The following LAD1 variants were observed in gnomAD, a reference collection of about 807,000 sequenced individuals.
LAD1 encodes the protein ladinin 1.
A neutral mutation model predicts 54.2 loss-of-function variants in LAD1; 53 were observed. That is an observed-to-expected ratio of 0.98 (90% CI 0.78 to 1.23). The LOEUF (loss-of-function observed/expected upper bound fraction) is 1.23, where lower values mean the gene tolerates loss of function less well. Ranked by LOEUF, LAD1 falls within the 50% of genes most tolerant of loss-of-function variation. LAD1 has a pLI of 0.00. For synonymous variants in LAD1, 231 were observed against 257.7 expected, an observed-to-expected ratio of 0.90 and a Z score of 0.99; for missense variants, 637 against 653.3, an observed-to-expected ratio of 0.98 and a Z score of 0.27.
intron 5 of LAD1, 154 bp downstream of exon 5, chr1:201,384,638 A>C: frequency 1.3e-6 from 1 of 745,364 alleles, no homozygotes; most frequent in Non-Finnish European, 2.4e-6. Context: ...TGTTAATCCC[A>C]TCCCCCTGCC....
At chr1:201,392,165 CT>C (rs1159067245) in intron 1 of LAD1, among the ~76,000 whole-genome samples, 34 of 152,378 alleles carry the variant, frequency 2.2e-4, no homozygotes, top group African/African-American at 7.5e-4. Flanking sequence ...TCAGTTTTCC[CT>C]CCTAAAATGA....
In LAD1 at chr1:201,381,223, G is replaced by A. The variant is rs987417640; in HGVS notation, c.*665C>T. On this transcript the variant is annotated 3_prime_UTR_variant, in exon 10 of 10. Coordinates refer to ENST00000391967, the MANE Select transcript of LAD1 (RefSeq NM_005558.4). ...TCTCATCAGTCTCTTACACCTGAGA[G>A]TAAATGAGTTTATCAGATCCTTCCT... 3 of 157,256 alleles carry A rather than the reference G, an allele frequency of 1.9e-5. No individual in the cohort carries two copies. The highest frequency in any genetic ancestry group is 7.2e-5 in the African/African-American group (3 of 41,460). The allele number at this position is 157,256 out of a possible 1,614,324, so 9.7% of individuals were successfully genotyped here. A position where few individuals can be genotyped will look rare whatever the true frequency, so the allele number is the denominator to read the frequency against.
chr1:201,393,825 C>T (rs1296882296), intron 1 of LAD1, among the ~76,000 whole-genome samples: 3 of 140,650 alleles, frequency 2.1e-5, no homozygotes, highest in African/African-American at 5.2e-5. Flanking sequence ...GTATAATTTA[C>T]ATTAATGTAC....
chr1:201,387,722 C>T (rs1306410340), intron 2 of LAD1, among the ~76,000 whole-genome samples: 1 of 152,138 alleles, frequency 6.6e-6, no homozygotes, highest in South Asian at 2.1e-4. Flanking sequence ...AGTCTGCTGC[C>T]GGGCAAGGCT....
intron 1 of LAD1, among the ~76,000 whole-genome samples, chr1:201,397,799 C>T (rs1408258542): frequency 1.1e-5 from 1 of 91,424 alleles, no homozygotes; most frequent in Non-Finnish European, 2.2e-5. Flanking sequence ...ACACACTTGT[C>T]CACAAGTATG....
Position 201,386,654 on chromosome 1 carries a change from G to GT in LAD1, c.706dup (p.Thr236AsnfsTer5), listed in dbSNP as rs751735651. 19 of 1,614,192 alleles carry GT rather than the reference G, an allele frequency of 1.2e-5. No individual in the cohort carries two copies. The highest frequency in any genetic ancestry group is 1.4e-5 in the Non-Finnish European group (17 of 1,180,022). On this transcript the variant is annotated frameshift_variant, in exon 3 of 10. Transcript: ENST00000391967. LOFTEE classifies it high-confidence loss of function. Reference sequence around the variant, plus strand: ...GGCCAGCGACTTCTCAGAGACACTGGTTTTTTCTAGAACAGACTTCTTCTC... The same window carrying GT: ...GGCCAGCGACTTCTCAGAGACACTGGTTTTTTTCTAGAACAGACTTCTTCTC...
intron 1 of LAD1, among the ~76,000 whole-genome samples, chr1:201,393,436 T>G (rs1662231007): frequency 6.6e-6 from 1 of 152,166 alleles, no homozygotes; most frequent in South Asian, 2.1e-4. Flanking sequence ...ACAACTCTTT[T>G]GAGAAGCAAA....
At position 201,381,781 on chromosome 1, in the gene LAD1, G is replaced by C; in HGVS notation, c.*107C>G. On this transcript the variant is annotated 3_prime_UTR_variant, in exon 10 of 10. Coordinates refer to ENST00000391967, the MANE Select transcript of LAD1 (RefSeq NM_005558.4). Reference sequence around the variant, plus strand: ...GGCCAAACAGATCCACAGGCAAAAAGGGAACAGGGACAATGAGAGGAAAGG... The same window carrying C: ...GGCCAAACAGATCCACAGGCAAAAACGGAACAGGGACAATGAGAGGAAAGG... The C allele has an allele frequency of 7.9e-7, 1 of 1,273,332 alleles. No homozygotes were observed. Among genetic ancestry groups the C allele is most frequent in the South Asian group, 1.2e-5 (1 of 84,052 alleles). The allele number at this position is 1,273,332 out of a possible 1,614,324, so 78.9% of individuals were successfully genotyped here. A position where few individuals can be genotyped will look rare whatever the true frequency, so the allele number is the denominator to read the frequency against.
chr1:201,386,193 G>A, intron 3 of LAD1, 142 bp downstream of exon 3: 1 of 847,870 alleles, frequency 1.2e-6, no homozygotes, highest in Non-Finnish European at 1.7e-6. Flanking sequence ...GAAGCAGGCA[G>A]GGAAAGAAGA....
chr1:201,387,051 C>A lies in LAD1; in HGVS notation c.310G>T (p.Ala104Ser), dbSNP rs1250788311. 13 of 1,612,108 alleles carry A rather than the reference C, an allele frequency of 8.1e-6. No homozygotes were observed. In the South Asian group the frequency reaches 1.1e-4, roughly 14 times the overall value. ...CTCTCCTGGATGGGGGCCTGTGCAG[C>A]CTCCACCACCTGCCGCCTCTGCCTC... ...ERRQRRQVVE[A>S]AQAPIQERLE... Residue 104 changes from alanine (A) to serine (S), a missense_variant, in exon 3 of 10, where the codon GCT (alanine) becomes TCT (serine). Ala to Ser is a moderately conservative substitution (Grantham distance 99). Coordinates refer to ENST00000391967, the MANE Select transcript of LAD1 (RefSeq NM_005558.4).
chr1:201,389,777 G>A (rs1164386754), intron 1 of LAD1, among the ~76,000 whole-genome samples: 1 of 151,942 alleles, frequency 6.6e-6, no homozygotes, highest in Non-Finnish European at 1.5e-5. Flanking sequence ...AGTCGAGATT[G>A]TGTCACTGCA....
chr1:201,385,745 T>C lies in LAD1; in HGVS notation c.1087A>G (p.Ser363Gly), dbSNP rs1662069961. The C allele has an allele frequency of 6.2e-7, 1 of 1,614,174 alleles. No individual in the cohort carries two copies. The highest frequency in any genetic ancestry group is 8.5e-7 in the Non-Finnish European group (1 of 1,180,002). Residue 363 changes from serine to glycine, a missense_variant, in exon 4 of 10, where the codon AGC (serine) becomes GGC (glycine). Physicochemically the swap from Ser to Gly is moderately conservative, Grantham distance 56. Coordinates refer to ENST00000391967, the MANE Select transcript of LAD1 (RefSeq NM_005558.4). ...GGGCTGGAGCGTTTGAGGGAGCTGC[T>C]GTAGGTTCGCTGTGTGGGTGAGGAC... ...DMSSPTQRTY[S>G]SSLKRSSPRT...
chr1:201,390,486 G>A (rs948314029), intron 1 of LAD1, among the ~76,000 whole-genome samples: 21 of 152,202 alleles, frequency 1.4e-4, no homozygotes, highest in African/African-American at 4.6e-4. Context: ...GCAGTGAGCC[G>A]AGATAGTGCC....
chr1:201,398,304 G>A (rs2102362470), intron 1 of LAD1, among the ~76,000 whole-genome samples: 1 of 152,312 alleles, frequency 6.6e-6, no homozygotes, highest in South Asian at 2.1e-4. Flanking sequence ...AGATAGCCCT[G>A]GCTCAGGAAA....
chr1:201,387,502 T>G (rs920335015), intron 2 of LAD1, among the ~76,000 whole-genome samples: 4 of 152,234 alleles, frequency 2.6e-5, no homozygotes, highest in African/African-American at 9.6e-5. Flanking sequence ...TCAAAAGGAA[T>G]AAGCACAGTC....
intron 4 of LAD1, among the ~76,000 whole-genome samples, chr1:201,385,423 G>A (rs1031031070): frequency 6.6e-6 from 1 of 152,206 alleles, no homozygotes; most frequent in African/African-American, 2.4e-5. Context: ...CCTCCCTGCA[G>A]CCCAGGGCCA....
intron 1 of LAD1, among the ~76,000 whole-genome samples, chr1:201,398,202 G>T (rs553568171): frequency 2.6e-5 from 4 of 152,158 alleles, no homozygotes; most frequent in Non-Finnish European, 5.9e-5. Flanking sequence ...GCGGGGTAGA[G>T]GACATACTAG....
intron 1 of LAD1, among the ~76,000 whole-genome samples, chr1:201,398,475 G>GA (rs1386819702): frequency 2.0e-5 from 3 of 152,180 alleles, no homozygotes; most frequent in African/African-American, 4.8e-5. Context: ...GGAATGAGGT[G>GA]AAAATGCTCA....
At chr1:201,395,311 T>C (rs1315408372) in intron 1 of LAD1, among the ~76,000 whole-genome samples, 1 of 152,186 alleles carries the variant, frequency 6.6e-6, no homozygotes, top group Non-Finnish European at 1.5e-5. Context: ...GAAACCCCAG[T>C]AATAAATTAA....
Sources: gnomAD v4.1 joint callset for allele counts (sites outside exome capture counted in the v4.1 genomes callset) on GRCh38, gnomAD v4.1.1 for gene constraint, MANE v1.5 for transcripts, NCBI Gene and HGNC (gene_info 2026-07-23, HGNC 2026-07-21) for gene names.